ASPSCR1: variants seen among roughly 807,000 people sequenced by gnomAD.
The protein encoded by ASPSCR1 is ASPSCR1 tether for SLC2A4, UBX domain containing.
ASPSCR1 carries 55 observed loss-of-function variants against 68.9 expected under a neutral mutation model. That is an observed-to-expected ratio of 0.80 (90% CI 0.64 to 1.00). The LOEUF is 1.00. Among genes scored for constraint, ASPSCR1 ranks in the 50% least tolerant of loss-of-function variants. The pLI, the probability that ASPSCR1 is intolerant of heterozygous loss-of-function variation, is 0.00. For synonymous variants in ASPSCR1, 352 were observed against 332.6 expected, an observed-to-expected ratio of 1.06 and a Z score of -0.63; for missense variants, 765 against 762.2, an observed-to-expected ratio of 1.00 and a Z score of -0.04.
chr17:82,009,068 C>T lies in ASPSCR1; in HGVS notation c.965C>T (p.Pro322Leu), dbSNP rs565472978. Reference protein sequence around the residue: ...PVDREPVDREPVVCHPDLEER... With the variant: ...PVDREPVDRELVVCHPDLEER... Reference sequence around the variant, plus strand: ...GACCGGGAGCCCGTGGACCGGGAGCCGGTGGTGTGCCACCCCGACCTGGAG... The same window carrying T: ...GACCGGGAGCCCGTGGACCGGGAGCTGGTGGTGTGCCACCCCGACCTGGAG... Residue 322 changes from proline (P) to leucine (L), a missense_variant, in exon 8 of 16, where the codon CCG (proline) becomes CTG (leucine). Physicochemically the swap from Pro to Leu is moderately conservative, Grantham distance 98. Transcript: ENST00000306739. The T allele has an allele frequency of 1.7e-5, 27 of 1,568,468 alleles. No homozygotes were observed. The highest frequency in any genetic ancestry group is 1.0e-4 in the South Asian group (9 of 85,980).
At position 81,987,847 on chromosome 17, in the gene ASPSCR1, C is replaced by G. The variant is rs2042044790; in HGVS notation, c.374+2240C>G. Among the ~76,000 whole-genome samples the G allele has an allele frequency of 6.6e-6, 1 of 150,632 alleles. No individual in the cohort carries two copies. Among genetic ancestry groups the G allele is most frequent in the South Asian group, 2.1e-4 (1 of 4,760 alleles). ...GGGTGACAAGAGCAAAACTCCATCT[C>G]AAAAAAACAAAAAAACAAAAGAAAC... On this transcript the variant is annotated intron_variant, in intron 4 of 15. Coordinates refer to ENST00000306739, the MANE Select transcript of ASPSCR1 (RefSeq NM_024083.4). The surrounding 1 kb of genome is among the most constrained non-coding windows in gnomAD (Gnocchi z 5.6).
intron 7 of ASPSCR1, among the ~76,000 whole-genome samples, chr17:82,001,182 T>G (rs1221353119): frequency 6.6e-6 from 1 of 152,118 alleles, no homozygotes; most frequent in African/African-American, 2.4e-5. Context: ...GAGCGGGTCA[T>G]GCACTGGGCG....
In ASPSCR1 at chr17:81,977,886, GC is replaced by G. The variant is rs1430934052; in HGVS notation, c.102+143del. 1.6e-5 allele frequency: 9 copies of G among 564,300 alleles called. No homozygotes were observed. Among genetic ancestry groups the G allele is most frequent in the Non-Finnish European group, 2.5e-6 (1 of 396,278 alleles). 35.0% of individuals were successfully genotyped at this position (564,300 alleles called of 1,614,324 possible). The stretch of plus-strand genomic sequence containing the variant: ...GAGCGGCCTCCTGAGCGGCGGCCCC[GC>G]CCCCTGCTCGCCGTCACCTGCGCTT... On this transcript the variant is annotated intron_variant, in intron 1 of 15. Coordinates refer to ENST00000306739, the MANE Select transcript of ASPSCR1 (RefSeq NM_024083.4). This position sits in a 1 kb window ranked among gnomAD's most constrained non-coding sequence, Gnocchi z 5.0.
At chr17:82,009,704 G>A in intron 9 of ASPSCR1, 137 bp downstream of exon 9, 3 of 630,796 alleles carry the variant, frequency 4.8e-6, no homozygotes, top group South Asian at 2.0e-5. Flanking sequence ...ACGTGGTGGC[G>A]ACTGAGGCAC....
chr17:81,991,365 T>C (rs989427412), intron 4 of ASPSCR1, among the ~76,000 whole-genome samples: 1 of 152,162 alleles, frequency 6.6e-6, no homozygotes, highest in African/African-American at 2.4e-5. Flanking sequence ...TGTTCCTCCT[T>C]CTGTAGGTAA....
intron 5 of ASPSCR1, chr17:81,995,625 C>A: frequency 2.3e-6 from 1 of 439,596 alleles, no homozygotes; most frequent in South Asian, 2.4e-5. Context: ...GGAATGGCCA[C>A]CCCCGTGGGT....
At chr17:81,997,571 T>C (rs2042394389) in intron 7 of ASPSCR1, among the ~76,000 whole-genome samples, 1 of 146,610 alleles carries the variant, frequency 6.8e-6, no homozygotes, top group African/African-American at 2.5e-5. Context: ...CACTGCAGCC[T>C]CTGCCACCCA....
intron 5 of ASPSCR1, 86 bp downstream of exon 5, chr17:81,994,964 C>T (rs141708885): frequency 7.2e-7 from 1 of 1,391,238 alleles, no homozygotes; most frequent in Non-Finnish European, 9.8e-7. Context: ...GCAGCCGTCT[C>T]CAGGGCAGTG....
At position 81,994,920 on chromosome 17, in the gene ASPSCR1, C is replaced by G. The variant is rs1329262596; in HGVS notation, c.432+42C>G. On this transcript the variant is annotated intron_variant, in intron 5 of 15. Transcript: ENST00000306739. ...TGCTCACCCAGTCCCCGCTCACTTT[C>G]AGCCCACTTTCCAACTGGAAAATCT... 9 of 1,568,102 alleles carry G rather than the reference C, an allele frequency of 5.7e-6. No individual in the cohort carries two copies. In the East Asian group the frequency reaches 1.8e-4, roughly 32 times the overall value.
intron 7 of ASPSCR1, among the ~76,000 whole-genome samples, chr17:82,000,482 G>A (rs574571341): frequency 1.3e-5 from 2 of 152,352 alleles, no homozygotes; most frequent in Admixed American, 1.3e-4. Context: ...GAGGGCCCGG[G>A]GCCACATGCC....
chr17:81,984,988 G>A (rs1192158376), intron 3 of ASPSCR1, among the ~76,000 whole-genome samples: 2 of 45,726 alleles, frequency 4.4e-5, no homozygotes, highest in Non-Finnish European at 7.9e-5. Context: ...ACACACCTGC[G>A]TGCACACCCC....
chr17:82,007,265 C>T (rs1235832663), intron 7 of ASPSCR1: 1 of 152,262 alleles, frequency 6.6e-6, no homozygotes, highest in Non-Finnish European at 1.5e-5. Flanking sequence ...GTGTGGGACC[C>T]TGGGTCTGTC....
intron 6 of ASPSCR1, 24 bp from the exon 7 acceptor site, chr17:81,996,396 C>G (rs762291072): frequency 1.3e-6 from 2 of 1,560,050 alleles, no homozygotes; most frequent in Middle Eastern, 3.5e-4. Context: ...CAAGGTGCTT[C>G]CCTTGTCCTC....
At chr17:81,984,956 CCCCACACACCTGCACACA>C (rs1181902917) in intron 3 of ASPSCR1, among the ~76,000 whole-genome samples, 1 of 124,768 alleles carries the variant, frequency 8.0e-6, no homozygotes, top group Non-Finnish European at 1.7e-5. Context: ...CCCGCACACA[CCCCACACACCTGCACACA>C]CCCACACACC....
At chr17:82,016,645 C>G in intron 13 of ASPSCR1, 118 bp downstream of exon 13, 3 of 1,461,230 alleles carry the variant, frequency 2.1e-6, no homozygotes, top group East Asian at 5.0e-5. Context: ...AGAGGGAGAT[C>G]TGCGGCCCCC....
intron 1 of ASPSCR1, chr17:81,978,827 CA>C (rs2041700744): frequency 2.9e-6 from 1 of 341,066 alleles, no homozygotes; most frequent in Non-Finnish European, 5.6e-6. Flanking sequence ...GTGCCAGAGC[CA>C]GGGGGTAGCT....
intron 7 of ASPSCR1, chr17:82,007,081 A>G (rs1234641893): frequency 6.6e-6 from 1 of 152,224 alleles, no homozygotes; most frequent in Non-Finnish European, 1.5e-5. Context: ...GCCCTACTGC[A>G]GACGCCATAT....
chr17:82,016,055 CGGGAGGGGGAATCTGGAGCT>C (rs913210445), intron 12 of ASPSCR1: 2 of 194,188 alleles, frequency 1.0e-5, no homozygotes, highest in South Asian at 1.3e-4. Flanking sequence ...AGCCTGGAGC[CGGGAGGGGGAATCTGGAGCT>C]GGGAGGGGGA....
At chr17:81,989,474 G>A (rs1178567240) in intron 4 of ASPSCR1, among the ~76,000 whole-genome samples, 1 of 152,224 alleles carries the variant, frequency 6.6e-6, no homozygotes, top group Non-Finnish European at 1.5e-5. Context: ...GGTGTCCGCA[G>A]AGTGGGACGG....
Sources: allele counts gnomAD v4.1 joint callset (sites outside exome capture counted in the v4.1 genomes callset), GRCh38; gene constraint gnomAD v4.1.1; non-coding constraint Gnocchi (gnomAD v3.1); transcripts MANE v1.5; gene names NCBI Gene and HGNC (gene_info 2026-07-23, HGNC 2026-07-21).